FMN2: variants seen among roughly 807,000 people sequenced by gnomAD.
The protein encoded by FMN2 is formin-2.
FMN2 carries 51 observed loss-of-function variants against 142.3 expected under a neutral mutation model. The ratio of observed to expected loss-of-function variants is 0.36; its 90% CI spans 0.29 to 0.45. The LOEUF (loss-of-function observed/expected upper bound fraction) is 0.45, where lower values mean the gene tolerates loss of function less well. Ranked by LOEUF, FMN2 falls within the 20% of genes least tolerant of loss-of-function variation. The pLI is 1.00. For missense variants in FMN2, 1,936 were observed against 2,122.8 expected, an observed-to-expected ratio of 0.91 and a Z score of 1.73; for synonymous variants, 882 against 869.8, an observed-to-expected ratio of 1.01 and a Z score of -0.25.
chr1:240,175,333 G>T (rs1404900634), intron 2 of FMN2, among the ~76,000 whole-genome samples: 1 of 152,098 alleles, frequency 6.6e-6, no homozygotes, highest in Non-Finnish European at 1.5e-5. Context: ...TAATTCTGTG[G>T]CATATATATC....
intron 14 of FMN2, among the ~76,000 whole-genome samples, chr1:240,366,779 C>T (rs12739568): frequency 6.6e-6 from 1 of 152,066 alleles, no homozygotes; most frequent in Admixed American, 6.6e-5. Context: ...TCAAACTCCC[C>T]ACCTCAGGTG....
intron 14 of FMN2, among the ~76,000 whole-genome samples, chr1:240,386,570 T>C (rs1281375781): frequency 6.6e-6 from 1 of 152,188 alleles, no homozygotes; most frequent in Non-Finnish European, 1.5e-5. Flanking sequence ...TCAGCAGAAG[T>C]ATTTCACATT....
At chr1:240,355,519 A>C (rs1230721593) in intron 13 of FMN2, among the ~76,000 whole-genome samples, 1 of 152,142 alleles carries the variant, frequency 6.6e-6, no homozygotes, top group Non-Finnish European at 1.5e-5. Flanking sequence ...TATCATGCCC[A>C]TTTTACAGAT....
intron 6 of FMN2, among the ~76,000 whole-genome samples, chr1:240,220,416 T>C (rs377032170): frequency 2.0e-5 from 3 of 152,306 alleles, no homozygotes; most frequent in Admixed American, 1.3e-4. Flanking sequence ...GCATTTCTAA[T>C]TTCTTCAGTC....
chr1:240,271,420 T>A (rs1425428002), intron 7 of FMN2, among the ~76,000 whole-genome samples: 1 of 151,054 alleles, frequency 6.6e-6, no homozygotes, highest in African/African-American at 2.4e-5. Context: ...GTGTCTGATT[T>A]TTTTTTTTTT....
In FMN2 at chr1:240,427,171, T is replaced by TTATA. The variant is rs34534422; in HGVS notation, c.4911-10872_4911-10869dup. ...TAGTTCATGTATGTTACAACTGATT[T>TTATA]TATATATATATATATATATATGGTT... On this transcript the variant is annotated intron_variant, in intron 15 of 17. Transcript: ENST00000319653. Among the ~76,000 whole-genome samples, 914 of 136,904 alleles carry TTATA rather than the reference T, an allele frequency of 6.7e-3. 5 individuals carry two copies. The highest frequency in any genetic ancestry group is 9.3e-3 in the Non-Finnish European group (617 of 66,466). The allele number at this position is 136,904 out of a possible 152,430, so 89.8% of individuals were successfully genotyped here. A position where few individuals can be genotyped will look rare whatever the true frequency, so the allele number is the denominator to read the frequency against.
intron 15 of FMN2, among the ~76,000 whole-genome samples, chr1:240,411,570 CAA>C (rs757715188): frequency 7.7e-5 from 8 of 103,614 alleles, no homozygotes; most frequent in Admixed American, 1.1e-4. Context: ...GACTCCATCT[CAA>C]AAAAAAAAAA....
intron 8 of FMN2, among the ~76,000 whole-genome samples, chr1:240,308,452 T>C (rs1236080258): frequency 5.9e-5 from 9 of 152,230 alleles, no homozygotes; most frequent in African/African-American, 2.2e-4. Context: ...TGTTTTGTTT[T>C]GTTTCAGGCT....
chr1:240,178,259 C>A (rs1665007955), intron 3 of FMN2, among the ~76,000 whole-genome samples, 191 bp downstream of exon 3: 1 of 151,894 alleles, frequency 6.6e-6, no homozygotes, highest in South Asian at 2.1e-4. Context: ...GTGTTATTGG[C>A]TGGGAAGATA....
intron 15 of FMN2, among the ~76,000 whole-genome samples, chr1:240,425,067 G>C (rs1267132373): frequency 6.6e-6 from 1 of 152,170 alleles, no homozygotes; most frequent in Non-Finnish European, 1.5e-5. Flanking sequence ...AAAATATCTT[G>C]TGTTTCTGAT....
chr1:240,093,753 G>C lies in FMN2; in HGVS notation c.1615+29G>C, dbSNP rs770941134. 5.4e-6 allele frequency: 7 copies of C among 1,290,836 alleles called. No homozygotes were observed. The African/African-American group carries it at 1.1e-4, about 20-fold the overall frequency. The allele number at this position is 1,290,836 out of a possible 1,614,324, so 80.0% of individuals were successfully genotyped here. A position where few individuals can be genotyped will look rare whatever the true frequency, so the allele number is the denominator to read the frequency against. On this transcript the variant is annotated intron_variant, in intron 1 of 17. Transcript: ENST00000319653. ...AGCGCGCCCTGCTGCTGGCCTCCGG[G>C]TCTCAAGTCGCCTGTCAGTCAGGGC...
intron 15 of FMN2, among the ~76,000 whole-genome samples, chr1:240,415,530 T>A (rs1418701452): frequency 7.1e-5 from 10 of 140,770 alleles, no homozygotes; most frequent in Non-Finnish European, 1.1e-4. Flanking sequence ...TTAAGTATAA[T>A]AAAAAAAAAA....
intron 3 of FMN2, among the ~76,000 whole-genome samples, chr1:240,178,623 C>CA (rs1419967845): frequency 1.3e-5 from 2 of 151,910 alleles, no homozygotes; most frequent in African/African-American, 4.8e-5. Context: ...TTTGTAGAGC[C>CA]AGAGTCTCAC....
intron 4 of FMN2, among the ~76,000 whole-genome samples, chr1:240,201,033 C>T (rs994061161): frequency 1.2e-4 from 18 of 152,194 alleles, no homozygotes; most frequent in African/African-American, 3.9e-4. Context: ...TTGTATCTTA[C>T]ATTTGAAAAC....
At chr1:240,103,651 A>G (rs1420898184) in intron 1 of FMN2, among the ~76,000 whole-genome samples, 1 of 151,742 alleles carries the variant, frequency 6.6e-6, no homozygotes. Context: ...TGTTTCCATT[A>G]TCTCTACCCT....
intron 6 of FMN2, among the ~76,000 whole-genome samples, chr1:240,221,473 G>A (rs1667110590): frequency 6.6e-6 from 1 of 152,160 alleles, no homozygotes; most frequent in African/African-American, 2.4e-5. Flanking sequence ...GACCAGTGAT[G>A]ATGAGCTTTT....
intron 15 of FMN2, among the ~76,000 whole-genome samples, chr1:240,408,062 G>T (rs1674272654): frequency 1.3e-5 from 2 of 152,060 alleles, no homozygotes; most frequent in Non-Finnish European, 2.9e-5. Flanking sequence ...TTGACTAGGG[G>T]TTATTTTTAA....
At chr1:240,265,017 T>G (rs1454125094) in intron 7 of FMN2, among the ~76,000 whole-genome samples, 4 of 152,154 alleles carry the variant, frequency 2.6e-5, no homozygotes, top group African/African-American at 9.7e-5. Context: ...TCCAATTTTT[T>G]TGAGTCCTAG....
chr1:240,177,728 A>G (rs1439752459), intron 2 of FMN2, 193 bp from the exon 3 acceptor site: 2 of 406,416 alleles, frequency 4.9e-6, no homozygotes, highest in Non-Finnish European at 8.2e-6. Flanking sequence ...TTATAAAGAT[A>G]AAATGACTGC....
Sources: allele counts gnomAD v4.1 joint callset (sites outside exome capture counted in the v4.1 genomes callset), GRCh38; gene constraint gnomAD v4.1.1; transcripts MANE v1.5; gene names NCBI Gene and HGNC (gene_info 2026-07-23, HGNC 2026-07-21).